The following PLA2G4C variants were observed in gnomAD, a reference collection of about 807,000 sequenced individuals.
The protein encoded by PLA2G4C is phospholipase A2 group IVC.
Under a neutral mutation model 73.8 loss-of-function variants are expected in PLA2G4C, and 64 were observed. That is an observed-to-expected ratio of 0.87 (90% CI 0.71 to 1.07). The LOEUF (loss-of-function observed/expected upper bound fraction) is 1.07. PLA2G4C is among the 50% of genes least tolerant of loss of function. The pLI is 0.00. For missense variants in PLA2G4C, 622 were observed against 665.4 expected, an observed-to-expected ratio of 0.93 and a Z score of 0.72; for synonymous variants, 254 against 252.1, an observed-to-expected ratio of 1.01 and a Z score of -0.07.
intron 9 of PLA2G4C, among the ~76,000 whole-genome samples, chr19:48,087,606 G>T (rs991143750): frequency 3.3e-5 from 5 of 152,130 alleles, no homozygotes; most frequent in Non-Finnish European, 7.4e-5. Context: ...CCTGGCAGGG[G>T]AGCTGAGGTG....
At chr19:48,067,490 A>G (rs2122513951) in intron 13 of PLA2G4C, among the ~76,000 whole-genome samples, 1 of 152,328 alleles carries the variant, frequency 6.6e-6, no homozygotes, top group South Asian at 2.1e-4. Context: ...TTTGAAGACC[A>G]GGTCCTAGGA....
At chr19:48,081,188 C>T (rs1401151187) in intron 10 of PLA2G4C, among the ~76,000 whole-genome samples, 4 of 151,112 alleles carry the variant, frequency 2.6e-5, no homozygotes, top group Non-Finnish European at 5.9e-5. Flanking sequence ...TATGAACCCA[C>T]CTAAGTGCCC....
chr19:48,079,187 G>A (rs141573070), intron 10 of PLA2G4C, among the ~76,000 whole-genome samples: 25 of 151,884 alleles, frequency 1.6e-4, no homozygotes, highest in African/African-American at 6.0e-4. Flanking sequence ...AAATCCATAT[G>A]AACCAAAAAA....
chr19:48,051,112 G>A (rs1239731384), intron 16 of PLA2G4C, among the ~76,000 whole-genome samples: 1 of 152,180 alleles, frequency 6.6e-6, no homozygotes, highest in Non-Finnish European at 1.5e-5. Context: ...CAAGGCGGGA[G>A]GTCAGAGCAA....
chr19:48,071,959 A>G (rs62129319), intron 12 of PLA2G4C, among the ~76,000 whole-genome samples: 13 of 151,458 alleles, frequency 8.6e-5, no homozygotes, highest in African/African-American at 2.7e-4. Flanking sequence ...CAGCCTGGCC[A>G]ATATGATGAA....
chr19:48,061,757 T>G, intron 14 of PLA2G4C: 5 of 479,726 alleles, frequency 1.0e-5, no homozygotes, highest in East Asian at 4.2e-5. Context: ...GCGGGGAGAG[T>G]CATCTGCCAG....
intron 10 of PLA2G4C, among the ~76,000 whole-genome samples, chr19:48,080,070 A>C (rs2030441825): frequency 6.6e-6 from 1 of 152,252 alleles, no homozygotes; most frequent in African/African-American, 2.4e-5. Flanking sequence ...AAATATTTGC[A>C]AACTAGGCAT....
At chr19:48,101,120 A>AT (rs2031890003) in intron 4 of PLA2G4C, among the ~76,000 whole-genome samples, 1 of 82,482 alleles carries the variant, frequency 1.2e-5, no homozygotes, top group African/African-American at 6.7e-5. Flanking sequence ...ATATATATAT[A>AT]TATATATTTT....
intron 9 of PLA2G4C, 130 bp downstream of exon 9, chr19:48,088,556 A>T: frequency 2.9e-6 from 2 of 694,110 alleles, no homozygotes; most frequent in Middle Eastern, 4.8e-4. Flanking sequence ...AATCTTTGAA[A>T]TACCAGATAA....
chr19:48,083,104 C>T (rs534737893), intron 10 of PLA2G4C, among the ~76,000 whole-genome samples: 125 of 152,032 alleles, frequency 8.2e-4, no homozygotes, highest in Middle Eastern at 3.4e-3. Flanking sequence ...CGTGAGCCAC[C>T]GCGCCTGGCC....
intron 5 of PLA2G4C, among the ~76,000 whole-genome samples, chr19:48,099,179 G>A (rs2031771260): frequency 6.6e-6 from 1 of 151,928 alleles, no homozygotes; most frequent in African/African-American, 2.4e-5. Flanking sequence ...TGAGGCAAGA[G>A]GATTGCTTGA....
At chr19:48,068,780 T>G (rs1378575078) in intron 12 of PLA2G4C, among the ~76,000 whole-genome samples, 1 of 147,214 alleles carries the variant, frequency 6.8e-6, no homozygotes, top group Non-Finnish European at 1.5e-5. Context: ...ATACCAAGAA[T>G]GCGTGTGCAC....
At chr19:48,084,209 A>G (rs150026820) in intron 10 of PLA2G4C, among the ~76,000 whole-genome samples, 4,161 of 151,892 alleles carry the variant, frequency 0.027, 150 homozygotes, top group African/African-American at 0.084. Flanking sequence ...ACAGGCGTGC[A>G]CCACCATACT....
Position 48,110,435 on chromosome 19 carries a change from G to T in PLA2G4C, c.-33+52C>A, listed in dbSNP as rs530513742. 1.4e-5 allele frequency: 20 copies of T among 1,401,950 alleles called. No individual in the cohort carries two copies. In the African/African-American group the frequency reaches 2.3e-4, roughly 16 times the overall value. 86.8% of individuals were successfully genotyped at this position (1,401,950 alleles called of 1,614,324 possible). On this transcript the variant is annotated intron_variant, in intron 1 of 16. Transcript: ENST00000599921. ...AATTGCACCCAATCCCTGGTACTTG[G>T]TTATGGCCGCCCCAGCGGGATGAAA...
At chr19:48,068,334 G>A (rs1401124330) in intron 12 of PLA2G4C, among the ~76,000 whole-genome samples, 2 of 149,698 alleles carry the variant, frequency 1.3e-5, no homozygotes, top group Non-Finnish European at 3.0e-5. Flanking sequence ...AAGTGGGGGG[G>A]TCATTCAGGA....
chr19:48,077,800 C>G lies in PLA2G4C; in HGVS notation c.869G>C (p.Ser290Thr), dbSNP rs1372833326. The G allele has an allele frequency of 6.2e-7, 1 of 1,607,392 alleles. No individual in the cohort carries two copies. Among genetic ancestry groups the G allele is most frequent in the Non-Finnish European group, 8.5e-7 (1 of 1,177,176 alleles). The change falls in exon 11 of 17, where the codon AGT becomes ACT. Residue 290 changes from serine (S) to threonine (T), a missense_variant. By Grantham distance (58) the Ser-to-Thr change is moderately conservative (BLOSUM62 1). Transcript: ENST00000599921. ...IFARLLRLQE[S>T]SQGEHPPPED... The stretch of plus-strand genomic sequence containing the variant: ...TGGGGGAGGATGTTCCCCTTGTGAA[C>G]TTTCTTGCAGCCTCAGTAATCGGGC...
chr19:48,059,204 G>A (rs1422333428), intron 14 of PLA2G4C, among the ~76,000 whole-genome samples: 1 of 151,428 alleles, frequency 6.6e-6, no homozygotes, highest in African/African-American at 2.4e-5. Context: ...CCAGGAGGTG[G>A]AGGTTGCAGT....
intron 14 of PLA2G4C, among the ~76,000 whole-genome samples, chr19:48,058,772 C>A (rs186179659): frequency 6.7e-6 from 1 of 148,766 alleles, no homozygotes; most frequent in African/African-American, 2.5e-5. Flanking sequence ...GAGCCAAGAT[C>A]GCACCACAGC....
At chr19:48,056,883 A>G (rs1408107425) in intron 14 of PLA2G4C, among the ~76,000 whole-genome samples, 1 of 151,892 alleles carries the variant, frequency 6.6e-6, no homozygotes, top group African/African-American at 2.4e-5. Flanking sequence ...TTCCAGGAAC[A>G]GAAAACCAAA....
Sources: allele counts gnomAD v4.1 joint callset (sites outside exome capture counted in the v4.1 genomes callset), GRCh38; gene constraint gnomAD v4.1.1; transcripts MANE v1.5; gene names NCBI Gene and HGNC (gene_info 2026-07-23, HGNC 2026-07-21).